PCDHA3: variants seen among roughly 807,000 people sequenced by gnomAD.
PCDHA3 encodes protocadherin alpha 3.
A neutral mutation model predicts 62.2 loss-of-function variants in PCDHA3; 41 were observed. The ratio of observed to expected loss-of-function variants is 0.66; its 90% CI spans 0.51 to 0.86. PCDHA3 has a LOEUF of 0.86. Among genes scored for constraint, PCDHA3 ranks in the 40% least tolerant of loss-of-function variants. The probability of loss-of-function intolerance (pLI) is 0.00; values close to 1 mark genes in which losing one functional copy is unlikely to be tolerated. For missense variants in PCDHA3, 1,304 were observed against 1,241.2 expected (o/e 1.05, Z -0.76); for synonymous variants, 640 against 555.4 (o/e 1.15, Z -2.14).
At chr5:140,938,415 T>A (rs1034279514) in intron 1 of PCDHA3, among the ~76,000 whole-genome samples, 6 of 152,190 alleles carry the variant, frequency 3.9e-5, no homozygotes, top group African/African-American at 1.4e-4. Context: ...TTGGGTTTAT[T>A]TGCAAAAATC....
rs2150129510 is a variant in PCDHA3 at position 140,823,826 on chromosome 5, G to A, written c.2394+20235G>A. On this transcript the variant is annotated intron_variant, in intron 1 of 3. Transcript: ENST00000522353. ...AAGGCCTCATCGCGGGCGTCGGCGG[G>A]CGCTGTGGGTCCCGAGGCTGCCCTG... 66 of 1,613,702 alleles carry A rather than the reference G, an allele frequency of 4.1e-5. No individual in the cohort carries two copies. The highest frequency in any genetic ancestry group is 5.4e-5 in the Non-Finnish European group (64 of 1,179,920).
intron 1 of PCDHA3, chr5:140,807,370 G>A: frequency 6.2e-7 from 1 of 1,608,352 alleles, no homozygotes; most frequent in Non-Finnish European, 8.5e-7. Flanking sequence ...AGCTGGTGCC[G>A]CGCCTGTTCC....
intron 2 of PCDHA3, 37 bp from the exon 3 acceptor site, chr5:140,982,438 T>G: frequency 3.8e-5 from 61 of 1,608,838 alleles, no homozygotes; most frequent in Non-Finnish European, 4.8e-5. Context: ...AAAGAATTTA[T>G]GATCTAACCG....
chr5:140,987,078 G>T (rs1158243032), intron 3 of PCDHA3, among the ~76,000 whole-genome samples: 4 of 152,026 alleles, frequency 2.6e-5, no homozygotes, highest in Non-Finnish European at 5.9e-5. Context: ...GCTGGGCGTG[G>T]TGGCAGGTGC....
chr5:140,941,228 T>TTTCTTTCTTTCTTTCTTTC (rs2092920819), intron 1 of PCDHA3, among the ~76,000 whole-genome samples: 1 of 139,066 alleles, frequency 7.2e-6, no homozygotes, highest in Admixed American at 7.4e-5. Flanking sequence ...TCTTTCTTTC[T>TTTCTTTCTTTCTTTCTTTC]TTCTTTCTTT....
rs782362312 is a variant in PCDHA3 at position 140,884,131 on chromosome 5, G to T, written c.2394+80540G>T. 4 of 1,613,396 alleles carry T rather than the reference G, an allele frequency of 2.5e-6. No individual in the cohort carries two copies. In the South Asian group the frequency reaches 3.3e-5, roughly 13 times the overall value. On this transcript the variant is annotated intron_variant, in intron 1 of 3. Coordinates refer to ENST00000522353, the MANE Select transcript of PCDHA3 (RefSeq NM_018906.3). ...TGGCGGCGGTCGGCGCGCGCATCCCGTTCCGCGTGGGGCTGTACACTGGCG... is the reference window on the plus strand; with the variant it reads ...TGGCGGCGGTCGGCGCGCGCATCCCTTTCCGCGTGGGGCTGTACACTGGCG...
rs1554169514 is a variant in PCDHA3, at chr5:140,877,250, A to C, written c.2394+73659A>C. On this transcript the variant is annotated intron_variant, in intron 1 of 3. Transcript: ENST00000522353. Reference sequence around the variant, plus strand: ...GTGGGTGCGGGCCACGTGGTGGCGAAAGTGCGCGCGGTGGACGCTGACTCC... The same window carrying C: ...GTGGGTGCGGGCCACGTGGTGGCGACAGTGCGCGCGGTGGACGCTGACTCC... 1.9e-6 allele frequency: 3 copies of C among 1,613,668 alleles called. No homozygotes were observed. In the African/African-American group the frequency reaches 4.0e-5, roughly 22 times the overall value.
chr5:140,988,193 A>G (rs528689173), intron 3 of PCDHA3, among the ~76,000 whole-genome samples: 4 of 152,192 alleles, frequency 2.6e-5, no homozygotes, highest in South Asian at 2.1e-4. Flanking sequence ...AGGTGTGTGC[A>G]TATCCTTATT....
At chr5:140,880,521 A>G (rs1166001900) in intron 1 of PCDHA3, among the ~76,000 whole-genome samples, 1 of 152,260 alleles carries the variant, frequency 6.6e-6, no homozygotes, top group Non-Finnish European at 1.5e-5. Context: ...ACATCTCTCA[A>G]TGTGTGAATC....
At chr5:140,993,464 A>T (rs1309811031) in intron 3 of PCDHA3, among the ~76,000 whole-genome samples, 11 of 28,960 alleles carry the variant, frequency 3.8e-4, no homozygotes, top group South Asian at 2.7e-3. Flanking sequence ...TTTCTTTCTC[A>T]CACACACACA....
intron 1 of PCDHA3, among the ~76,000 whole-genome samples, chr5:140,904,653 A>AGT (rs2071298480): frequency 6.6e-6 from 1 of 152,104 alleles, no homozygotes; most frequent in Non-Finnish European, 1.5e-5. Context: ...TGTTTTCCAT[A>AGT]GTGGTTGTAC....
At chr5:140,898,112 G>A (rs1308883558) in intron 1 of PCDHA3, among the ~76,000 whole-genome samples, 1 of 152,046 alleles carries the variant, frequency 6.6e-6, no homozygotes, top group African/African-American at 2.4e-5. Flanking sequence ...TGAGTAGGTT[G>A]CGAAAATTTT....
chr5:140,802,995 G>C lies in PCDHA3; in HGVS notation c.1798G>C (p.Asp600His). The change falls in exon 1 of 4, where the codon GAC (aspartate) becomes CAC (histidine). Residue 600 changes from aspartate (D) to histidine (H), a missense_variant. Coordinates refer to ENST00000522353, the MANE Select transcript of PCDHA3 (RefSeq NM_018906.3). ...VVAKVRAVDA[D>H]SGYNAWLSYE... is the part of the protein sequence containing the mutation. Reference sequence around the variant, plus strand: ...AGCGAAGGTGCGCGCAGTGGATGCAGACTCAGGCTACAACGCGTGGCTTTC... The same window carrying C: ...AGCGAAGGTGCGCGCAGTGGATGCACACTCAGGCTACAACGCGTGGCTTTC... 6.2e-7 allele frequency: 1 copy of C among 1,614,060 alleles called. No homozygotes were observed. The highest frequency in any genetic ancestry group is 8.5e-7 in the Non-Finnish European group (1 of 1,179,940).
At position 140,967,080 on chromosome 5, in the gene PCDHA3, T is replaced by C. The variant is rs781942171; in HGVS notation, c.2395-11869T>C. On this transcript the variant is annotated intron_variant, in intron 1 of 3. Transcript: ENST00000522353. The stretch of plus-strand genomic sequence containing the variant: ...GGAGCGCTCTTCGTCAACGAGCGCA[T>C]TGATCGGGAGGCGCTGTGTGAGCAG... 168 of 1,613,222 alleles carry C rather than the reference T, an allele frequency of 1.0e-4. No homozygotes were observed. The highest frequency in any genetic ancestry group is 3.7e-4 in the Admixed American group (22 of 60,010).
chr5:140,841,115 G>T (rs1777030061), intron 1 of PCDHA3: 4 of 612,976 alleles, frequency 6.5e-6, no homozygotes, highest in Non-Finnish European at 1.1e-5. Flanking sequence ...AGTAATTCAT[G>T]TAATCATTAC....
intron 1 of PCDHA3, chr5:140,927,577 A>T: frequency 6.2e-7 from 1 of 1,614,170 alleles, no homozygotes; most frequent in Non-Finnish European, 8.5e-7. Flanking sequence ...CACAAATGAC[A>T]ACGCGCCTGT....
chr5:140,869,810 A>T lies in PCDHA3; in HGVS notation c.2394+66219A>T, dbSNP rs2051437780. On this transcript the variant is annotated intron_variant, in intron 1 of 3. Transcript: ENST00000522353. ...CTGTTAGTCCAAGTCTTGGATGTCA[A>T]CGACAATGATCCAGAGTTTGATAAA... The T allele has an allele frequency of 6.2e-7, 1 of 1,612,624 alleles. No individual in the cohort carries two copies.
At chr5:140,883,406 G>T (rs782181791) in intron 1 of PCDHA3, 3 of 1,614,156 alleles carry the variant, frequency 1.9e-6, no homozygotes, top group Non-Finnish European at 1.7e-6. Context: ...TCGTGACTCT[G>T]GCTCAAATGG....
chr5:140,976,142 C>T (rs1554237347), intron 1 of PCDHA3, among the ~76,000 whole-genome samples: 2 of 152,138 alleles, frequency 1.3e-5, no homozygotes, highest in Admixed American at 1.3e-4. Context: ...GGATGAAACT[C>T]ATGTACATTT....
Sources: allele counts gnomAD v4.1 joint callset (sites outside exome capture counted in the v4.1 genomes callset), GRCh38; gene constraint gnomAD v4.1.1; transcripts MANE v1.5; gene names NCBI Gene and HGNC (gene_info 2026-07-23, HGNC 2026-07-21).